PRKG1: variants seen among roughly 807,000 people sequenced by gnomAD.
PRKG1 encodes the protein cGMP-dependent protein kinase 1.
Under a neutral mutation model 88.1 loss-of-function variants are expected in PRKG1, and 35 were observed. The observed-to-expected ratio is 0.40, with a 90% CI of 0.30 to 0.53. The LOEUF (loss-of-function observed/expected upper bound fraction) is 0.53, where lower values mean the gene tolerates loss of function less well. Among genes scored for constraint, PRKG1 ranks in the 20% least tolerant of loss-of-function variants. PRKG1 has a pLI of 0.59. For missense variants in PRKG1, 540 were observed against 839.8 expected (o/e 0.64, Z 4.41); for synonymous variants, 303 against 292.5 (o/e 1.04, Z -0.37).
At chr10:51,428,758 G>A (rs980401698) in intron 2 of PRKG1, among the ~76,000 whole-genome samples, 1 of 152,156 alleles carries the variant, frequency 6.6e-6, no homozygotes, top group African/African-American at 2.4e-5. Flanking sequence ...TGAAAAAAAC[G>A]CATGCCCCTG....
chr10:51,237,341 G>A (rs1477818717), intron 2 of PRKG1, among the ~76,000 whole-genome samples: 1 of 152,202 alleles, frequency 6.6e-6, no homozygotes, highest in East Asian at 1.9e-4. Flanking sequence ...GAATGAAAGC[G>A]CAGGGCTCTA....
chr10:51,296,070 G>C (rs976753831), intron 2 of PRKG1, among the ~76,000 whole-genome samples: 2 of 151,990 alleles, frequency 1.3e-5, no homozygotes, highest in Admixed American at 1.3e-4. Flanking sequence ...GTTGAATGCT[G>C]TTTGCTAGTA....
At chr10:51,476,309 G>A (rs1371410789) in intron 3 of PRKG1, among the ~76,000 whole-genome samples, 1 of 151,976 alleles carries the variant, frequency 6.6e-6, no homozygotes, top group Admixed American at 6.6e-5. Context: ...TCACTGTGAA[G>A]GTGACAATAG....
At chr10:52,069,528 T>TAAA (rs1846441983) in intron 7 of PRKG1, among the ~76,000 whole-genome samples, 2 of 134,346 alleles carry the variant, frequency 1.5e-5, no homozygotes, top group Admixed American at 1.5e-4. Context: ...AGACTCCATC[T>TAAA]CAAAAACAAA....
At chr10:51,421,586 C>A (rs1044819218) in intron 2 of PRKG1, among the ~76,000 whole-genome samples, 2 of 152,148 alleles carry the variant, frequency 1.3e-5, no homozygotes, top group African/African-American at 4.8e-5. Flanking sequence ...GCTCTCAGAG[C>A]CCTGGTAAGT....
At chr10:51,192,538 G>A (rs16915151) in intron 2 of PRKG1, among the ~76,000 whole-genome samples, 8,087 of 151,786 alleles carry the variant, frequency 0.053, 406 homozygotes, top group African/African-American at 0.13. Flanking sequence ...ATGTCCTACC[G>A]AAAGATTAGA....
At chr10:51,404,980 G>A (rs1461155303) in intron 2 of PRKG1, among the ~76,000 whole-genome samples, 2 of 152,116 alleles carry the variant, frequency 1.3e-5, no homozygotes, top group African/African-American at 2.4e-5. Context: ...AAATCACAAA[G>A]TTCTCACTTC....
rs200515844 is a variant in PRKG1, at chr10:51,121,755, TAATC to T, written c.312-31407_312-31404del. 5.2e-3 allele frequency among the ~76,000 whole-genome samples: 799 copies of T among 152,286 alleles called. 5 individuals carry two copies. The highest frequency in any genetic ancestry group is 0.018 in the African/African-American group (754 of 41,558). On this transcript the variant is annotated intron_variant, in intron 1 of 17. Coordinates refer to ENST00000373980, the MANE Select transcript of PRKG1 (RefSeq NM_006258.4). ...TATGCATATCTATTTGAAAATGTCATAATCACCCATCAGTACATCATTCACAATG... is the reference window on the plus strand; with the variant it reads ...TATGCATATCTATTTGAAAATGTCATACCCATCAGTACATCATTCACAATG...
intron 2 of PRKG1, among the ~76,000 whole-genome samples, chr10:51,318,718 A>G (rs1364541544): frequency 6.6e-6 from 1 of 152,172 alleles, no homozygotes; most frequent in Admixed American, 6.5e-5. Flanking sequence ...AAAATCTTTA[A>G]CAGAGGAGGA....
chr10:51,364,031 C>CCT (rs1842540449), intron 2 of PRKG1, among the ~76,000 whole-genome samples: 1 of 151,938 alleles, frequency 6.6e-6, no homozygotes, highest in African/African-American at 2.4e-5. Flanking sequence ...GAAACACTGA[C>CCT]CTCTCTTTTC....
At chr10:52,214,355 A>G (rs1840057423) in intron 9 of PRKG1, among the ~76,000 whole-genome samples, 1 of 152,198 alleles carries the variant, frequency 6.6e-6, no homozygotes, top group African/African-American at 2.4e-5. Flanking sequence ...GCATGAAAAT[A>G]TGCAAACAGA....
chr10:51,371,997 CTGGAAGAAA>C (rs1391577262), intron 2 of PRKG1, among the ~76,000 whole-genome samples: 1 of 152,082 alleles, frequency 6.6e-6, no homozygotes. Flanking sequence ...CACATTGCCA[CTGGAAGAAA>C]TGGAAGAAAA....
At chr10:51,025,195 A>G (rs1564573992) in intron 1 of PRKG1, among the ~76,000 whole-genome samples, 1 of 152,148 alleles carries the variant, frequency 6.6e-6, no homozygotes, top group Non-Finnish European at 1.5e-5. Flanking sequence ...CCTCATTTTA[A>G]TCCATTACAA....
At chr10:51,409,627 G>A (rs1177368945) in intron 2 of PRKG1, among the ~76,000 whole-genome samples, 1 of 151,864 alleles carries the variant, frequency 6.6e-6, no homozygotes, top group Non-Finnish European at 1.5e-5. Context: ...GGCTGAGGAG[G>A]GTGGATCATG....
At chr10:51,733,783 C>T (rs1023998340) in intron 3 of PRKG1, among the ~76,000 whole-genome samples, 64 of 152,190 alleles carry the variant, frequency 4.2e-4, no homozygotes, top group African/African-American at 1.4e-3. Context: ...CACTTTTGAT[C>T]CTGCAATTGT....
chr10:52,012,444 G>C (rs373275240), intron 5 of PRKG1, among the ~76,000 whole-genome samples: 35 of 152,080 alleles, frequency 2.3e-4, no homozygotes, highest in African/African-American at 8.0e-4. Context: ...GGGTTTCACC[G>C]TGTTAGCCAG....
intron 14 of PRKG1, among the ~76,000 whole-genome samples, chr10:52,287,854 T>C (rs568745014): frequency 2.6e-5 from 4 of 152,154 alleles, no homozygotes; most frequent in African/African-American, 9.6e-5. Context: ...TATAGAAACA[T>C]TAGAGCAATA....
chr10:51,375,936 T>C (rs1348789480), intron 2 of PRKG1, among the ~76,000 whole-genome samples: 1 of 152,188 alleles, frequency 6.6e-6, no homozygotes, highest in African/African-American at 2.4e-5. Context: ...TTGTAACTTA[T>C]AAATATTCAT....
intron 2 of PRKG1, among the ~76,000 whole-genome samples, chr10:51,315,568 C>T (rs1322801485): frequency 3.3e-5 from 5 of 151,974 alleles, no homozygotes; most frequent in African/African-American, 7.2e-5. Flanking sequence ...TGAATTTGGC[C>T]GAGGCACTGA....
Sources: gnomAD v4.1 joint callset for allele counts (sites outside exome capture counted in the v4.1 genomes callset) on GRCh38, gnomAD v4.1.1 for gene constraint, MANE v1.5 for transcripts, NCBI Gene and HGNC (gene_info 2026-07-23, HGNC 2026-07-21) for gene names.